The following SGCD variants were observed in gnomAD, a reference collection of about 807,000 sequenced individuals.
The protein encoded by SGCD is delta-sarcoglycan.
In SGCD, 18 loss-of-function variants were observed where a neutral mutation model predicts 36.6. The observed-to-expected ratio is 0.49, with a 90% CI of 0.34 to 0.73. The LOEUF is 0.73. SGCD is among the 30% of genes least tolerant of loss of function. SGCD has a pLI of 0.01. For missense variants in SGCD, 387 were observed against 346.7 expected (o/e 1.12, Z -0.92); for synonymous variants, 133 against 130.6 (o/e 1.02, Z -0.12).
chr5:156,438,742 G>A (rs548460188), intron 3 of SGCD, among the ~76,000 whole-genome samples: 21 of 152,180 alleles, frequency 1.4e-4, no homozygotes, highest in African/African-American at 4.6e-4. Context: ...ATTTTTGAAA[G>A]TCTTTTGTAC....
intron 3 of SGCD, among the ~76,000 whole-genome samples, chr5:156,369,501 G>T (rs1303891551): frequency 1.1e-4 from 16 of 152,158 alleles, no homozygotes; most frequent in Admixed American, 1.0e-3. Context: ...GACCTGCAGG[G>T]CGTTGAATAT....
the SGCD span, among the ~76,000 whole-genome samples, chr5:155,762,908 A>G: frequency 6.6e-6 from 1 of 152,194 alleles, no homozygotes; most frequent in Admixed American, 6.5e-5. Flanking sequence ...TAAGTCAGCC[A>G]GCATATAGTC....
At chr5:155,980,356 C>G (rs370588386) in intron 1 of SGCD, among the ~76,000 whole-genome samples, 4 of 151,640 alleles carry the variant, frequency 2.6e-5, no homozygotes, top group African/African-American at 9.7e-5. Flanking sequence ...TAGGCCTAGG[C>G]GGGCGGATCA....
chr5:155,997,289 TAA>T (rs1159430955), intron 1 of SGCD, among the ~76,000 whole-genome samples: 1 of 152,210 alleles, frequency 6.6e-6, no homozygotes, highest in African/African-American at 2.4e-5. Context: ...TGGTGAAACT[TAA>T]GAGTCCTTGT....
At chr5:156,249,204 A>G (rs1581194749) in intron 3 of SGCD, among the ~76,000 whole-genome samples, 2 of 152,216 alleles carry the variant, frequency 1.3e-5, no homozygotes, top group African/African-American at 4.8e-5. Context: ...AAGTTTTGGC[A>G]TTCATGACTG....
chr5:156,492,603 T>C (rs1215260112), intron 3 of SGCD, among the ~76,000 whole-genome samples: 1 of 152,170 alleles, frequency 6.6e-6, no homozygotes, highest in Non-Finnish European at 1.5e-5. Context: ...CTGGGATACA[T>C]GTGCAGAACA....
intron 3 of SGCD, among the ~76,000 whole-genome samples, chr5:156,266,138 T>A (rs575639848): frequency 2.0e-5 from 3 of 152,384 alleles, no homozygotes; most frequent in South Asian, 4.1e-4. Context: ...AAGCTTGATC[T>A]TGGTAAAAAT....
At position 156,663,807 on chromosome 5, in the gene SGCD, ATTG is replaced by A. The variant is rs941325457; in HGVS notation, c.575+16276_575+16278del. ...GCACTGCCGCTTGTGGTGAGGGACA[ATTG>A]TTGTATTGTGGTAACTGGCTTATTC... On this transcript the variant is annotated intron_variant, in intron 7 of 8. Coordinates refer to ENST00000337851, the MANE Select transcript of SGCD (RefSeq NM_000337.6). Among the ~76,000 whole-genome samples the A allele has an allele frequency of 1.1e-4, 15 of 140,312 alleles. 1 individual carries two copies. In the South Asian group the frequency reaches 2.3e-3, roughly 22 times the overall value. The allele number at this position is 140,312 out of a possible 152,430, so 92.1% of individuals were successfully genotyped here.
chr5:156,381,562 C>A (rs1770976942), intron 3 of SGCD, among the ~76,000 whole-genome samples: 2 of 147,574 alleles, frequency 1.4e-5, no homozygotes, highest in Admixed American at 6.8e-5. Context: ...AGGTAAATGT[C>A]CTCATGTAAA....
chr5:156,276,204 C>T (rs887668620), intron 3 of SGCD, among the ~76,000 whole-genome samples: 1 of 152,128 alleles, frequency 6.6e-6, no homozygotes, highest in Non-Finnish European at 1.5e-5. Flanking sequence ...TAAGATGTGT[C>T]CCTGTTCAGA....
At chr5:156,399,772 T>C (rs111472081) in intron 3 of SGCD, among the ~76,000 whole-genome samples, 7 of 152,320 alleles carry the variant, frequency 4.6e-5, no homozygotes, top group African/African-American at 1.7e-4. Flanking sequence ...GTTCATTGTT[T>C]ATCTTTCTTC....
At chr5:156,743,825 T>C (rs1256542346) in intron 7 of SGCD, among the ~76,000 whole-genome samples, 1 of 152,204 alleles carries the variant, frequency 6.6e-6, no homozygotes, top group African/African-American at 2.4e-5. Flanking sequence ...CTTAAATACC[T>C]GTTTCAGATA....
At chr5:156,449,377 C>T (rs1753894743) in intron 3 of SGCD, among the ~76,000 whole-genome samples, 1 of 152,026 alleles carries the variant, frequency 6.6e-6, no homozygotes, top group East Asian at 1.9e-4. Flanking sequence ...ATTTTCTCAC[C>T]ACTGAATCTC....
intron 4 of SGCD, among the ~76,000 whole-genome samples, chr5:156,517,015 A>G (rs779165012): frequency 1.3e-5 from 2 of 152,110 alleles, no homozygotes; most frequent in Non-Finnish European, 2.9e-5. Flanking sequence ...AAAACAAAAA[A>G]CAAAACAGGT....
intron 1 of SGCD, among the ~76,000 whole-genome samples, chr5:156,101,355 C>T (rs1037427813): frequency 1.3e-5 from 2 of 152,190 alleles, no homozygotes; most frequent in Non-Finnish European, 2.9e-5. Flanking sequence ...TGGGTACATG[C>T]AGTGAAATGT....
At chr5:156,572,501 T>TTTG (rs1297200636) in intron 4 of SGCD, among the ~76,000 whole-genome samples, 3 of 152,056 alleles carry the variant, frequency 2.0e-5, no homozygotes, top group South Asian at 2.1e-4. Flanking sequence ...CGGGTTTCCA[T>TTTG]TTGTTGTTGT....
intron 1 of SGCD, among the ~76,000 whole-genome samples, chr5:155,972,575 T>C (rs1213041426): frequency 6.6e-6 from 1 of 152,142 alleles, no homozygotes; most frequent in African/African-American, 2.4e-5. Flanking sequence ...GATATGTGTG[T>C]TTAAGCATAT....
chr5:156,481,222 C>A (rs1423228424), intron 3 of SGCD, among the ~76,000 whole-genome samples: 1 of 152,090 alleles, frequency 6.6e-6, no homozygotes, highest in East Asian at 1.9e-4. Flanking sequence ...AACTCAAAAA[C>A]CTACAAGGAC....
chr5:156,588,988 T>TG (rs1760606491), intron 4 of SGCD, among the ~76,000 whole-genome samples: 1 of 143,060 alleles, frequency 7.0e-6, no homozygotes, highest in African/African-American at 2.6e-5. Flanking sequence ...GGAATCTATA[T>TG]TGTGTGTGTG....
Sources: gnomAD v4.1 joint callset for allele counts (sites outside exome capture counted in the v4.1 genomes callset) on GRCh38, gnomAD v4.1.1 for gene constraint, MANE v1.5 for transcripts, NCBI Gene and HGNC (gene_info 2026-07-23, HGNC 2026-07-21) for gene names.